Variants in FOXP2 observed in about 807,000 individuals in gnomAD.
FOXP2 encodes the protein forkhead box P2.
FOXP2 carries 12 observed loss-of-function variants against 115.8 expected under a neutral mutation model. That is an observed-to-expected ratio of 0.10 (90% CI 0.07 to 0.17). The LOEUF (loss-of-function observed/expected upper bound fraction) is 0.17. FOXP2 is among the 10% of genes least tolerant of loss of function. The pLI, the probability that FOXP2 is intolerant of heterozygous loss-of-function variation, is 1.00. For missense variants in FOXP2, 629 were observed against 843.5 expected, an observed-to-expected ratio of 0.75 and a Z score of 3.15; for synonymous variants, 328 against 297.7, an observed-to-expected ratio of 1.10 and a Z score of -1.05.
At chr7:114,097,345 T>C (rs1161674022) in intron 1 of FOXP2, among the ~76,000 whole-genome samples, 3 of 152,202 alleles carry the variant, frequency 2.0e-5, no homozygotes, top group Non-Finnish European at 4.4e-5. Flanking sequence ...CTCTATAGTT[T>C]CGTCTTTTCA....
chr7:114,332,610 C>CT (rs373804302), intron 2 of FOXP2, among the ~76,000 whole-genome samples: 1 of 152,040 alleles, frequency 6.6e-6, no homozygotes, highest in African/African-American at 2.4e-5. Flanking sequence ...CTGAGCATCT[C>CT]TTTTTTATTT....
chr7:114,472,851 G>T (rs186744115), intron 2 of FOXP2, among the ~76,000 whole-genome samples: 2 of 152,188 alleles, frequency 1.3e-5, no homozygotes, highest in Admixed American at 1.3e-4. Flanking sequence ...GTGTGTGTGG[G>T]TAGGTGTGCA....
chr7:114,167,271 A>C (rs1253315637), intron 1 of FOXP2, among the ~76,000 whole-genome samples: 1 of 152,198 alleles, frequency 6.6e-6, no homozygotes, highest in Non-Finnish European at 1.5e-5. Flanking sequence ...ATGAGCTACC[A>C]AACCACAAAG....
intron 1 of FOXP2, among the ~76,000 whole-genome samples, chr7:114,233,380 G>T (rs1203926094): frequency 6.6e-6 from 1 of 152,118 alleles, no homozygotes; most frequent in African/African-American, 2.4e-5. Flanking sequence ...AAGTATAGTA[G>T]CACTTGTATA....
At chr7:114,680,736 A>G (rs945407137) in intron 16 of FOXP2, among the ~76,000 whole-genome samples, 2 of 150,844 alleles carry the variant, frequency 1.3e-5, no homozygotes, top group Non-Finnish European at 2.9e-5. Context: ...CAAGAGTGAG[A>G]CTCCATCTAA....
intron 3 of FOXP2, among the ~76,000 whole-genome samples, chr7:114,590,389 C>A (rs1802383613): frequency 6.6e-6 from 1 of 152,096 alleles, no homozygotes; most frequent in African/African-American, 2.4e-5. Flanking sequence ...AACTTCATAG[C>A]CTGCTATTTC....
At chr7:114,663,354 T>C in intron 14 of FOXP2, 96 bp from the exon 15 acceptor site, 1 of 887,274 alleles carries the variant, frequency 1.1e-6, no homozygotes, top group Non-Finnish European at 1.8e-6. Context: ...ACTATTAGTG[T>C]GAGACAAGCC....
At chr7:114,101,651 A>G (rs886757343) in intron 1 of FOXP2, among the ~76,000 whole-genome samples, 2 of 148,262 alleles carry the variant, frequency 1.3e-5, no homozygotes, top group African/African-American at 4.9e-5. Flanking sequence ...TTCATTTTCT[A>G]GAATCCTTTT....
chr7:114,432,446 C>G (rs577134286), intron 2 of FOXP2, among the ~76,000 whole-genome samples: 1 of 152,040 alleles, frequency 6.6e-6, no homozygotes. Context: ...CAAATGACCT[C>G]ATTACTTTTA....
At chr7:114,359,102 C>A (rs981186431) in intron 2 of FOXP2, among the ~76,000 whole-genome samples, 1 of 152,166 alleles carries the variant, frequency 6.6e-6, no homozygotes, top group Admixed American at 6.5e-5. Context: ...GTGGGCCAGG[C>A]CTTGCTGCTT....
chr7:114,317,225 A>G (rs1372428150), intron 2 of FOXP2, among the ~76,000 whole-genome samples: 3 of 152,164 alleles, frequency 2.0e-5, no homozygotes, highest in East Asian at 1.9e-4. Context: ...AGTTGTCCCA[A>G]TGTATCACCT....
chr7:114,644,536 CA>C (rs1805761981), intron 7 of FOXP2, 148 bp from the exon 8 acceptor site: 1 of 689,996 alleles, frequency 1.4e-6, no homozygotes, highest in Non-Finnish European at 2.6e-6. Context: ...TTGAACTATT[CA>C]ATAGAACGAT....
chr7:114,122,823 G>C (rs1296152841), intron 1 of FOXP2, among the ~76,000 whole-genome samples: 1 of 151,954 alleles, frequency 6.6e-6, no homozygotes. Flanking sequence ...TTAAGGAGTG[G>C]TAGGGGATTT....
chr7:114,610,789 C>T (rs1437942293), intron 3 of FOXP2, among the ~76,000 whole-genome samples: 1 of 151,704 alleles, frequency 6.6e-6, no homozygotes. Context: ...CATATGCCAC[C>T]ATGTCTGACT....
intron 1 of FOXP2, among the ~76,000 whole-genome samples, chr7:114,220,824 C>T (rs1351975161): frequency 6.6e-6 from 1 of 151,972 alleles, no homozygotes; most frequent in Non-Finnish European, 1.5e-5. Context: ...CTATTTTTTT[C>T]TTGAAGTATT....
chr7:114,374,688 C>A (rs1190866198), intron 2 of FOXP2, among the ~76,000 whole-genome samples: 1 of 152,178 alleles, frequency 6.6e-6, no homozygotes, highest in Non-Finnish European at 1.5e-5. Context: ...GTTTATCCCC[C>A]CCTACTGTAC....
At chr7:114,122,386 C>T (rs993320934) in intron 1 of FOXP2, among the ~76,000 whole-genome samples, 1 of 149,958 alleles carries the variant, frequency 6.7e-6, no homozygotes, top group Non-Finnish European at 1.5e-5. Context: ...ATCTTTGTAT[C>T]GCTCCCTGTT....
intron 13 of FOXP2, among the ~76,000 whole-genome samples, chr7:114,660,763 A>G (rs1726569904): frequency 6.6e-6 from 1 of 152,098 alleles, no homozygotes; most frequent in African/African-American, 2.4e-5. Flanking sequence ...GAAGATTTAC[A>G]TTTTCTTTTG....
At chr7:114,197,679 T>C (rs1793946988) in intron 1 of FOXP2, among the ~76,000 whole-genome samples, 2 of 152,150 alleles carry the variant, frequency 1.3e-5, no homozygotes, top group Non-Finnish European at 2.9e-5. Context: ...AAAAAGACTT[T>C]TGTGAAGTAG....
Sources: allele counts gnomAD v4.1 joint callset (sites outside exome capture counted in the v4.1 genomes callset), GRCh38; gene constraint gnomAD v4.1.1; transcripts MANE v1.5; gene names NCBI Gene and HGNC (gene_info 2026-07-23, HGNC 2026-07-21).